NAV3: variants seen among roughly 807,000 people sequenced by gnomAD.
The protein encoded by NAV3 is pore membrane and/or filament interacting like protein 1.
NAV3 carries 87 observed loss-of-function variants against 244.7 expected under a neutral mutation model. The observed-to-expected ratio is 0.36, with a 90% CI of 0.30 to 0.42. The LOEUF (loss-of-function observed/expected upper bound fraction) is 0.42. Among genes scored for constraint, NAV3 ranks in the 20% least tolerant of loss-of-function variants. NAV3 has a pLI of 1.00. For synonymous variants in NAV3, 1,126 were observed against 1,042.2 expected, an observed-to-expected ratio of 1.08 and a Z score of -1.55; for missense variants, 2,663 against 2,893.3, an observed-to-expected ratio of 0.92 and a Z score of 1.83.
intron 2 of NAV3, among the ~76,000 whole-genome samples, chr12:77,708,625 C>T (rs1039825968): frequency 1.4e-4 from 21 of 152,082 alleles, no homozygotes; most frequent in Non-Finnish European, 1.9e-4. Context: ...ATGGGGATGG[C>T]ATTGAATCTA....
chr12:77,720,529 C>A (rs1187548011), intron 2 of NAV3, among the ~76,000 whole-genome samples: 2 of 152,134 alleles, frequency 1.3e-5, no homozygotes, highest in Non-Finnish European at 2.9e-5. Context: ...GCTCTCCATT[C>A]TTTTCAGCAA....
intron 7 of NAV3, among the ~76,000 whole-genome samples, chr12:77,999,326 G>A (rs1294105643): frequency 1.3e-5 from 2 of 152,172 alleles, no homozygotes; most frequent in Non-Finnish European, 2.9e-5. Flanking sequence ...CAGAGTGTTG[G>A]GCTCTACATG....
intron 8 of NAV3, among the ~76,000 whole-genome samples, chr12:78,008,590 T>C (rs1420203009): frequency 2.0e-5 from 3 of 152,166 alleles, no homozygotes; most frequent in Non-Finnish European, 4.4e-5. Context: ...AACTATATAG[T>C]TTAAAATTTT....
chr12:77,655,926 C>G (rs1249634174), intron 2 of NAV3, among the ~76,000 whole-genome samples: 1 of 143,826 alleles, frequency 7.0e-6, no homozygotes, highest in Admixed American at 6.8e-5. Flanking sequence ...TTGTCACCAC[C>G]AGGCCTGCCC....
intron 2 of NAV3, among the ~76,000 whole-genome samples, chr12:77,599,371 G>A (rs1003373164): frequency 1.3e-5 from 2 of 151,834 alleles, no homozygotes; most frequent in Admixed American, 6.6e-5. Context: ...TGGGTGTTGC[G>A]CATTGTCCTG....
intron 2 of NAV3, among the ~76,000 whole-genome samples, chr12:77,594,035 G>C (rs1870050497): frequency 1.3e-5 from 2 of 151,922 alleles, no homozygotes; most frequent in African/African-American, 4.8e-5. Flanking sequence ...ATTTTCGCAG[G>C]TCTACTTAAT....
intron 1 of NAV3, among the ~76,000 whole-genome samples, chr12:77,856,757 T>C (rs1046554874): frequency 1.3e-5 from 2 of 152,140 alleles, no homozygotes; most frequent in Admixed American, 6.5e-5. Flanking sequence ...AATGTTTGAG[T>C]ATTATGAAAT....
intron 11 of NAV3, among the ~76,000 whole-genome samples, chr12:78,057,894 G>A (rs1883750018): frequency 6.6e-6 from 1 of 152,142 alleles, no homozygotes. Context: ...TCTCTCCTAG[G>A]TGCCTGATTT....
intron 19 of NAV3, 101 bp from the exon 20 acceptor site, chr12:78,140,181 T>C (rs751737204): frequency 8.4e-5 from 81 of 959,240 alleles, no homozygotes; most frequent in Non-Finnish European, 1.3e-4. Flanking sequence ...TTGTTATTAC[T>C]TAATTTCCCT....
chr12:78,186,861 A>T (rs1027314251), intron 31 of NAV3, among the ~76,000 whole-genome samples: 1 of 151,790 alleles, frequency 6.6e-6, no homozygotes, highest in African/African-American at 2.4e-5. Context: ...CTCTTTTTGC[A>T]TTGCAGGTGG....
intron 3 of NAV3, among the ~76,000 whole-genome samples, chr12:77,953,097 C>T (rs920524097): frequency 1.3e-5 from 2 of 151,962 alleles, no homozygotes; most frequent in African/African-American, 2.4e-5. Flanking sequence ...AACACTTTTG[C>T]CAATTATAGC....
chr12:78,123,827 G>A (rs1955788249), intron 16 of NAV3, among the ~76,000 whole-genome samples: 1 of 152,172 alleles, frequency 6.6e-6, no homozygotes, highest in Non-Finnish European at 1.5e-5. Flanking sequence ...GTAAAGACCA[G>A]TAAGGGTTCA....
chr12:77,846,650 T>C (rs1876686000), intron 1 of NAV3, among the ~76,000 whole-genome samples: 1 of 152,242 alleles, frequency 6.6e-6, no homozygotes, highest in African/African-American at 2.4e-5. Context: ...AGATCTCATA[T>C]TTATCAATTT....
chr12:77,917,943 C>A (rs1461985141), intron 1 of NAV3, among the ~76,000 whole-genome samples: 1 of 152,028 alleles, frequency 6.6e-6, no homozygotes, highest in Non-Finnish European at 1.5e-5. Context: ...TTGATAACTT[C>A]TCTTCTTAAA....
chr12:77,900,109 C>T (rs1885101055), intron 1 of NAV3, among the ~76,000 whole-genome samples: 2 of 148,428 alleles, frequency 1.3e-5, no homozygotes, highest in South Asian at 2.1e-4. Context: ...TGGAGTCTCA[C>T]TCTTTCGCCC....
intron 3 of NAV3, among the ~76,000 whole-genome samples, chr12:77,950,146 A>C (rs987838597): frequency 2.6e-5 from 4 of 152,088 alleles, no homozygotes; most frequent in African/African-American, 9.7e-5. Context: ...TCTTGTGTGA[A>C]CTTAAGTTTT....
At chr12:78,177,107 T>C (rs1356338773) in intron 26 of NAV3, 34 bp from the exon 27 acceptor site, 1 of 1,610,952 alleles carries the variant, frequency 6.2e-7, no homozygotes, top group African/African-American at 1.3e-5. Context: ...CAAGTGCAAA[T>C]AGACAAGAAG....
At chr12:77,751,526 C>T (rs906161979) in intron 2 of NAV3, among the ~76,000 whole-genome samples, 1 of 152,092 alleles carries the variant, frequency 6.6e-6, no homozygotes, top group African/African-American at 2.4e-5. Flanking sequence ...GACTTTTCCC[C>T]CTTTTACTCA....
intron 1 of NAV3, among the ~76,000 whole-genome samples, chr12:77,836,786 GATGCTATA>G (rs1414012681): frequency 6.6e-6 from 1 of 152,110 alleles, no homozygotes; most frequent in Non-Finnish European, 1.5e-5. Context: ...AATTGGTGTG[GATGCTATA>G]AGGGAGGAGA....
Sources: allele counts gnomAD v4.1 joint callset (sites outside exome capture counted in the v4.1 genomes callset), GRCh38; gene constraint gnomAD v4.1.1; transcripts MANE v1.5; gene names NCBI Gene and HGNC (gene_info 2026-07-23, HGNC 2026-07-21).